The following CADPS2 variants were observed in gnomAD, a reference collection of about 807,000 sequenced individuals.
The protein encoded by CADPS2 is calcium dependent secretion activator 2.
CADPS2 carries 93 observed loss-of-function variants against 172.5 expected under a neutral mutation model. That is an observed-to-expected ratio of 0.54 (90% CI 0.46 to 0.64). The LOEUF (loss-of-function observed/expected upper bound fraction) is 0.64. Ranked by LOEUF, CADPS2 falls within the 30% of genes least tolerant of loss-of-function variation. CADPS2 has a pLI of 0.00. For synonymous variants in CADPS2, 546 were observed against 555.2 expected, an observed-to-expected ratio of 0.98 and a Z score of 0.23; for missense variants, 1,420 against 1,565.9, an observed-to-expected ratio of 0.91 and a Z score of 1.57.
chr7:122,605,733 C>G (rs540226327), intron 6 of CADPS2, among the ~76,000 whole-genome samples: 1 of 151,792 alleles, frequency 6.6e-6, no homozygotes, highest in South Asian at 2.1e-4. Context: ...TCAAGTGATC[C>G]AAAACAAATA....
intron 22 of CADPS2, among the ~76,000 whole-genome samples, chr7:122,392,528 G>A (rs2044509993): frequency 2.6e-5 from 4 of 151,994 alleles, no homozygotes; most frequent in Admixed American, 1.3e-4. Flanking sequence ...CAATTTAAAA[G>A]CCCATTCCTG....
At chr7:122,529,593 T>C (rs980834489) in intron 8 of CADPS2, among the ~76,000 whole-genome samples, 1 of 152,122 alleles carries the variant, frequency 6.6e-6, no homozygotes, top group African/African-American at 2.4e-5. Flanking sequence ...TTAAATGGAA[T>C]GGGAGGAAAA....
intron 9 of CADPS2, among the ~76,000 whole-genome samples, chr7:122,503,030 C>A (rs920229843): frequency 9.7e-6 from 1 of 102,792 alleles, no homozygotes; most frequent in East Asian, 3.0e-4. Flanking sequence ...GAGAAAAAAA[C>A]TTTTTTTTTT....
rs73433791 is a variant in CADPS2 at position 122,588,793 on chromosome 7, G to A, written c.1224-7503C>T. 5.3e-3 allele frequency among the ~76,000 whole-genome samples: 811 copies of A among 151,970 alleles called. 5 individuals are homozygous for A. Among genetic ancestry groups the A allele is most frequent in the African/African-American group, 0.018 (761 of 41,502 alleles). On this transcript the variant is annotated intron_variant, in intron 6 of 29. Coordinates refer to ENST00000449022, the MANE Select transcript of CADPS2 (RefSeq NM_017954.11). The stretch of plus-strand genomic sequence containing the variant: ...CAATTCATGAAAATGAGTAAGGACT[G>A]TGTTATTTTCATTGACTCATATTTG...
intron 3 of CADPS2, among the ~76,000 whole-genome samples, chr7:122,660,681 C>T (rs55833580): frequency 0.22 from 33,218 of 151,606 alleles, 3,947 homozygotes; most frequent in Non-Finnish European, 0.26. Flanking sequence ...GAGGCCGAGG[C>T]GGGCGGATCA....
chr7:122,563,233 T>C (rs768979182), intron 7 of CADPS2, among the ~76,000 whole-genome samples: 1 of 152,208 alleles, frequency 6.6e-6, no homozygotes, highest in Non-Finnish European at 1.5e-5. Context: ...ATTCTTGATC[T>C]ATTGCCCTCA....
intron 1 of CADPS2, among the ~76,000 whole-genome samples, chr7:122,756,034 C>T (rs2093145672): frequency 1.3e-5 from 2 of 152,196 alleles, no homozygotes; most frequent in African/African-American, 4.8e-5. Context: ...CCTACCACAG[C>T]ACACTGATGA....
At chr7:122,617,900 T>G (rs1401049972) in intron 5 of CADPS2, among the ~76,000 whole-genome samples, 2 of 151,924 alleles carry the variant, frequency 1.3e-5, no homozygotes, top group African/African-American at 2.4e-5. Context: ...AAAATTAGCC[T>G]GGCTTGGTGG....
chr7:122,566,178 G>A (rs1399520549), intron 7 of CADPS2, among the ~76,000 whole-genome samples: 2 of 152,018 alleles, frequency 1.3e-5, no homozygotes, highest in Non-Finnish European at 2.9e-5. Context: ...AATCATCAGG[G>A]AAACGCAAAT....
At chr7:122,407,038 A>C (rs1405622338) in intron 20 of CADPS2, among the ~76,000 whole-genome samples, 1 of 152,202 alleles carries the variant, frequency 6.6e-6, no homozygotes, top group Non-Finnish European at 1.5e-5. Context: ...ATTCTCCTTA[A>C]TTTCTAAATG....
intron 2 of CADPS2, among the ~76,000 whole-genome samples, chr7:122,716,887 C>T (rs995960667): frequency 6.6e-6 from 1 of 151,908 alleles, no homozygotes; most frequent in African/African-American, 2.4e-5. Context: ...AAAGCAGAAC[C>T]CAAAGGAAAT....
chr7:122,525,237 T>C (rs1044881103), intron 8 of CADPS2, among the ~76,000 whole-genome samples: 2 of 152,184 alleles, frequency 1.3e-5, no homozygotes, highest in African/African-American at 4.8e-5. Flanking sequence ...TTCTAGTATG[T>C]TGCTCTCTGG....
Position 122,495,162 on chromosome 7 carries a change from CAAT to C in CADPS2, c.1543-3745_1543-3743del, listed in dbSNP as rs1051260551. On this transcript the variant is annotated intron_variant, in intron 9 of 29. Transcript: ENST00000449022. ...AATATCTCCAACATAAAGAAAAGTA[CAAT>C]AATACACTAACATGTATATATTCAT... 3.3e-5 allele frequency among the ~76,000 whole-genome samples: 5 copies of C among 152,110 alleles called. No homozygotes were observed. The East Asian group carries it at 5.8e-4, about 18-fold the overall frequency.
intron 8 of CADPS2, among the ~76,000 whole-genome samples, chr7:122,525,657 T>C (rs999461685): frequency 7.2e-5 from 11 of 152,204 alleles, no homozygotes; most frequent in African/African-American, 2.7e-4. Flanking sequence ...TGAGGCAATT[T>C]TGTCTTTGTG....
intron 25 of CADPS2, among the ~76,000 whole-genome samples, chr7:122,364,002 A>G (rs1321617947): frequency 1.3e-5 from 2 of 152,134 alleles, no homozygotes; most frequent in Non-Finnish European, 2.9e-5. Flanking sequence ...CAGACGGCAG[A>G]AGGAGGAAGG....
At chr7:122,586,921 C>A (rs1266918363) in intron 6 of CADPS2, among the ~76,000 whole-genome samples, 1 of 151,712 alleles carries the variant, frequency 6.6e-6, no homozygotes, top group Non-Finnish European at 1.5e-5. Flanking sequence ...TTATTTGTCA[C>A]CAAATAACCA....
At chr7:122,783,035 T>C (rs1345925159) in intron 1 of CADPS2, among the ~76,000 whole-genome samples, 3 of 151,852 alleles carry the variant, frequency 2.0e-5, no homozygotes, top group African/African-American at 4.8e-5. Flanking sequence ...ACACAGTGAA[T>C]CCCCATTGCT....
intron 8 of CADPS2, among the ~76,000 whole-genome samples, chr7:122,545,200 T>C (rs879850062): frequency 9.2e-5 from 14 of 152,030 alleles, no homozygotes; most frequent in Admixed American, 2.6e-4. Context: ...TAAAAAAGAC[T>C]CAATAGTTCT....
At chr7:122,341,055 T>C (rs2036703926) in intron 28 of CADPS2, among the ~76,000 whole-genome samples, 1 of 152,204 alleles carries the variant, frequency 6.6e-6, no homozygotes, top group Admixed American at 6.5e-5. Context: ...AGTGGTCACG[T>C]GAGAGGCAGA....
Sources: allele counts gnomAD v4.1 joint callset (sites outside exome capture counted in the v4.1 genomes callset), GRCh38; gene constraint gnomAD v4.1.1; transcripts MANE v1.5; gene names NCBI Gene and HGNC (gene_info 2026-07-23, HGNC 2026-07-21).